The following ODR4 variants were observed in gnomAD, a reference collection of about 807,000 sequenced individuals.
ODR4 encodes protein odr-4 homolog.
A neutral mutation model predicts 60.2 loss-of-function variants in ODR4; 47 were observed. The observed-to-expected ratio is 0.78, with a 90% confidence interval of 0.62 to 1.00. ODR4 has a LOEUF of 1.00. ODR4 is among the 50% of genes least tolerant of loss of function. ODR4 has a pLI of 0.00. For synonymous variants in ODR4, 178 were observed against 175.5 expected (o/e 1.01, Z -0.11); for missense variants, 488 against 530.8 (o/e 0.92, Z 0.79).
At chr1:186,403,643 A>G (rs552844884) in intron 11 of ODR4, among the ~76,000 whole-genome samples, 1 of 152,230 alleles carries the variant, frequency 6.6e-6, no homozygotes, top group African/African-American at 2.4e-5. Flanking sequence ...TCCAGATAAA[A>G]GAACTTAGTA....
chr1:186,388,306 A>AC (rs1660327100), intron 4 of ODR4, 136 bp from the exon 5 acceptor site: 2 of 543,238 alleles, frequency 3.7e-6, no homozygotes, highest in East Asian at 3.4e-5. Flanking sequence ...ACATAGTGAG[A>AC]CCCCTTCTCC....
At chr1:186,418,553 G>A (rs1661672026) in intron 13 of ODR4, among the ~76,000 whole-genome samples, 1 of 152,100 alleles carries the variant, frequency 6.6e-6, no homozygotes, top group African/African-American at 2.4e-5. Flanking sequence ...CTAATTATTA[G>A]ATTTTATAAT....
At chr1:186,408,400 A>G (rs1166014571) in intron 12 of ODR4, among the ~76,000 whole-genome samples, 1 of 151,934 alleles carries the variant, frequency 6.6e-6, no homozygotes, top group Non-Finnish European at 1.5e-5. Context: ...GTGTAAATGG[A>G]TGATGTTACA....
chr1:186,405,056 TTTG>T (rs968805026), intron 11 of ODR4, among the ~76,000 whole-genome samples: 77 of 152,294 alleles, frequency 5.1e-4, no homozygotes, highest in African/African-American at 1.8e-3. Context: ...GAATGAGATA[TTTG>T]TTATTTATTT....
the ODR4 span, among the ~76,000 whole-genome samples, chr1:186,430,536 A>C: frequency 1.3e-5 from 2 of 152,120 alleles, no homozygotes; most frequent in African/African-American, 4.8e-5. Flanking sequence ...CCATGATTAA[A>C]ATTCTGAATG....
At chr1:186,422,594 T>C (rs993655923), downstream of ODR4, among the ~76,000 whole-genome samples, 1 of 152,092 alleles carries the variant, frequency 6.6e-6, no homozygotes, top group African/African-American at 2.4e-5. Context: ...CAGAAGCAAG[T>C]AGAGGTCAGT....
chr1:186,399,077 T>C (rs562825872), intron 11 of ODR4, 33 bp downstream of exon 11: 2 of 1,308,870 alleles, frequency 1.5e-6, no homozygotes, highest in Admixed American at 1.9e-5. Context: ...TTTTTGCGTA[T>C]CTTCAACTGA....
At chr1:186,389,460 C>G (rs921913019) in intron 5 of ODR4, 128 bp from the exon 6 acceptor site, 29 of 685,066 alleles carry the variant, frequency 4.2e-5, no homozygotes, top group Admixed American at 9.4e-5. Flanking sequence ...GTACGCATAT[C>G]TTTAAAGTGT....
chr1:186,410,949 A>G (rs1661358389), intron 12 of ODR4, among the ~76,000 whole-genome samples: 1 of 151,870 alleles, frequency 6.6e-6, no homozygotes, highest in Non-Finnish European at 1.5e-5. Context: ...CGGAAGGCGG[A>G]GGTTGTGGTG....
chr1:186,390,513 A>T (rs1408942951), intron 6 of ODR4, among the ~76,000 whole-genome samples, 198 bp from the exon 7 acceptor site: 1 of 152,206 alleles, frequency 6.6e-6, no homozygotes, highest in Non-Finnish European at 1.5e-5. Context: ...CCAAGGATGT[A>T]TTGAAGAGTA....
At chr1:186,418,778 A>G (rs951155412) in intron 13 of ODR4, among the ~76,000 whole-genome samples, 3 of 152,248 alleles carry the variant, frequency 2.0e-5, no homozygotes, top group African/African-American at 7.2e-5. Flanking sequence ...ACATGTGTGC[A>G]AGAGAGATAC....
chr1:186,380,026 T>A, intron 2 of ODR4, 142 bp downstream of exon 2: 2 of 537,986 alleles, frequency 3.7e-6, no homozygotes, highest in South Asian at 7.4e-5. Context: ...GTGGAAGAAG[T>A]AACTTTAAAG....
chr1:186,434,574 A>G, the ODR4 span, among the ~76,000 whole-genome samples: 1 of 152,242 alleles, frequency 6.6e-6, no homozygotes, highest in Non-Finnish European at 1.5e-5. Context: ...CAAAAGCAAC[A>G]AAAAAGAAAA....
the ODR4 span, among the ~76,000 whole-genome samples, chr1:186,432,693 T>C: frequency 6.6e-6 from 1 of 152,102 alleles, no homozygotes; most frequent in Non-Finnish European, 1.5e-5. Flanking sequence ...TTATCTCAGC[T>C]CTATCTAAGC....
At chr1:186,387,039 A>C (rs1571666484) in intron 4 of ODR4, among the ~76,000 whole-genome samples, 1 of 152,200 alleles carries the variant, frequency 6.6e-6, no homozygotes, top group African/African-American at 2.4e-5. Flanking sequence ...TTCATACCCC[A>C]AAAGAGGGGG....
chr1:186,418,449 C>T (rs1250269024), intron 13 of ODR4, among the ~76,000 whole-genome samples: 3 of 151,970 alleles, frequency 2.0e-5, no homozygotes, highest in African/African-American at 7.2e-5. Context: ...CGCCACCGCG[C>T]CCGGCTAATT....
intron 2 of ODR4, among the ~76,000 whole-genome samples, chr1:186,382,467 C>T (rs1660078306): frequency 6.6e-6 from 1 of 151,716 alleles, no homozygotes; most frequent in Admixed American, 6.6e-5. Flanking sequence ...GAACAAAAAA[C>T]AAAACAAAAC....
downstream of ODR4, among the ~76,000 whole-genome samples, chr1:186,421,820 C>T (rs906503799): frequency 2.8e-5 from 4 of 144,688 alleles, no homozygotes; most frequent in African/African-American, 1.0e-4. Context: ...GGAGATTGCA[C>T]CACTGCACTC....
At chr1:186,394,172 C>T (rs1660581389) in intron 9 of ODR4, among the ~76,000 whole-genome samples, 157 bp downstream of exon 9, 2 of 152,088 alleles carry the variant, frequency 1.3e-5, no homozygotes, top group Admixed American at 6.6e-5. Context: ...CAAGAAACAT[C>T]ATTTTAATAA....
Sources: gnomAD v4.1 joint callset for allele counts (sites outside exome capture counted in the v4.1 genomes callset) on GRCh38, gnomAD v4.1.1 for gene constraint, MANE v1.5 for transcripts, NCBI Gene and HGNC (gene_info 2026-07-23, HGNC 2026-07-21) for gene names.